Variants in DPP10 observed in about 807,000 individuals in gnomAD.
The protein encoded by DPP10 is dipeptidyl peptidase like 10, also known as inactive dipeptidyl peptidase 10.
Under a neutral mutation model 120.9 loss-of-function variants are expected in DPP10, and 33 were observed. That is an observed-to-expected ratio of 0.27 (90% CI 0.21 to 0.37). The LOEUF (loss-of-function observed/expected upper bound fraction) is 0.37. Among genes scored for constraint, DPP10 ranks in the 10% least tolerant of loss-of-function variants. DPP10 has a pLI of 1.00. For synonymous variants in DPP10, 337 were observed against 326.1 expected, an observed-to-expected ratio of 1.03 and a Z score of -0.36; for missense variants, 816 against 942.8, an observed-to-expected ratio of 0.87 and a Z score of 1.76.
intron 3 of DPP10, among the ~76,000 whole-genome samples, chr2:115,420,131 C>A (rs1162213894): frequency 1.3e-5 from 2 of 152,128 alleles, no homozygotes; most frequent in African/African-American, 2.4e-5. Flanking sequence ...TAACCCAAAT[C>A]CTGTCCTGCT....
chr2:115,171,980 C>T (rs146055182), intron 1 of DPP10, among the ~76,000 whole-genome samples: 116 of 152,280 alleles, frequency 7.6e-4, no homozygotes, highest in African/African-American at 2.7e-3. Flanking sequence ...GGCAGTGCCA[C>T]CACTACACAA....
chr2:115,418,309 G>T (rs1415666146), intron 3 of DPP10, among the ~76,000 whole-genome samples: 2 of 152,140 alleles, frequency 1.3e-5, no homozygotes, highest in Non-Finnish European at 2.9e-5. Flanking sequence ...TTTATTTATT[G>T]CTGTATGTAT....
intron 2 of DPP10, among the ~76,000 whole-genome samples, chr2:115,324,413 A>C (rs916326832): frequency 5.9e-5 from 9 of 152,328 alleles, no homozygotes; most frequent in Admixed American, 5.9e-4. Flanking sequence ...TAGTTTCTAC[A>C]TGAGCACTTG....
chr2:115,722,802 A>G (rs2092679102), intron 7 of DPP10, among the ~76,000 whole-genome samples: 1 of 152,204 alleles, frequency 6.6e-6, no homozygotes, highest in South Asian at 2.1e-4. Context: ...GTTTCAGTAA[A>G]GGTTTCCAAA....
intron 3 of DPP10, among the ~76,000 whole-genome samples, chr2:115,390,393 A>G (rs373008526): frequency 6.6e-6 from 1 of 152,186 alleles, no homozygotes; most frequent in Non-Finnish European, 1.5e-5. Flanking sequence ...ATTTCTGTTG[A>G]TGACACGTTG....
At chr2:115,129,005 A>G (rs1394661615) in intron 1 of DPP10, among the ~76,000 whole-genome samples, 1 of 152,218 alleles carries the variant, frequency 6.6e-6, no homozygotes, top group Non-Finnish European at 1.5e-5. Context: ...GATTCAGGGA[A>G]ACAGGAGGAA....
intron 1 of DPP10, among the ~76,000 whole-genome samples, chr2:114,834,617 G>GGCCATATCTACA (rs1687496715): frequency 1.1e-5 from 1 of 90,884 alleles, no homozygotes; most frequent in Admixed American, 1.1e-4. Context: ...CCATATCTAA[G>GGCCATATCTACA]CACCTATGTA....
chr2:115,440,552 G>C (rs1212896515), intron 3 of DPP10, among the ~76,000 whole-genome samples: 2 of 152,172 alleles, frequency 1.3e-5, no homozygotes, highest in Non-Finnish European at 2.9e-5. Flanking sequence ...TTATTAAGCC[G>C]GCGGCCAAAG....
chr2:115,300,945 ACTT>A (rs1272632685), intron 1 of DPP10, among the ~76,000 whole-genome samples: 1 of 151,928 alleles, frequency 6.6e-6, no homozygotes. Flanking sequence ...AAAATCAGAC[ACTT>A]CTTCCAGTCA....
At position 115,017,822 on chromosome 2, in the gene DPP10, G is replaced by T. The variant is rs568674040; in HGVS notation, c.61-291417G>T. The stretch of plus-strand genomic sequence containing the variant: ...TGAACAATGAGAACACTTGGACACA[G>T]GTAGGGGGACATCACACACAGGGCC... On this transcript the variant is annotated intron_variant, in intron 1 of 25. Transcript: ENST00000410059. Among the ~76,000 whole-genome samples, 3 of 151,760 alleles carry T rather than the reference G, an allele frequency of 2.0e-5. No homozygotes were observed. In the East Asian group the frequency reaches 5.8e-4, roughly 30 times the overall value.
chr2:115,088,702 T>A (rs1204597356), intron 1 of DPP10, among the ~76,000 whole-genome samples: 1 of 114,082 alleles, frequency 8.8e-6, no homozygotes, highest in Non-Finnish European at 1.6e-5. Context: ...TACCTTGGCC[T>A]CCCAAAGTGC....
At chr2:115,197,160 G>T (rs1007601175) in intron 1 of DPP10, among the ~76,000 whole-genome samples, 2 of 152,136 alleles carry the variant, frequency 1.3e-5, no homozygotes, top group African/African-American at 2.4e-5. Flanking sequence ...TTGGGAGGCC[G>T]AGGAGGGCGG....
chr2:115,628,026 TG>T (rs1327861273), intron 5 of DPP10, among the ~76,000 whole-genome samples: 3 of 111,488 alleles, frequency 2.7e-5, no homozygotes, highest in Non-Finnish European at 3.5e-5. Flanking sequence ...ATGGCATTTC[TG>T]GTTCTAGAAA....
intron 15 of DPP10, among the ~76,000 whole-genome samples, chr2:115,778,103 A>C (rs1330202040): frequency 2.0e-5 from 3 of 151,760 alleles, no homozygotes; most frequent in Admixed American, 2.0e-4. Context: ...TTTGTGGCTT[A>C]TTTCTCTCAA....
intron 1 of DPP10, among the ~76,000 whole-genome samples, chr2:114,519,086 C>T (rs1684840505): frequency 6.6e-6 from 1 of 152,198 alleles, no homozygotes; most frequent in Admixed American, 6.5e-5. Context: ...TCTGAATTTT[C>T]TATGATTATA....
intron 3 of DPP10, among the ~76,000 whole-genome samples, chr2:115,372,463 T>G (rs2065479103): frequency 6.6e-6 from 1 of 152,096 alleles, no homozygotes; most frequent in Non-Finnish European, 1.5e-5. Context: ...CATTAAAATG[T>G]GTTGTAATTT....
intron 1 of DPP10, among the ~76,000 whole-genome samples, chr2:115,219,507 G>A (rs2057024761): frequency 6.6e-6 from 1 of 151,966 alleles, no homozygotes; most frequent in African/African-American, 2.4e-5. Context: ...CTTTGTCCGT[G>A]GTGCTGAAAG....
At chr2:115,177,697 A>G (rs2053785875) in intron 1 of DPP10, among the ~76,000 whole-genome samples, 1 of 152,136 alleles carries the variant, frequency 6.6e-6, no homozygotes, top group Non-Finnish European at 1.5e-5. Flanking sequence ...TCCTTTTATA[A>G]AAATGTTAGC....
chr2:115,185,640 G>T (rs1573933281), intron 1 of DPP10, among the ~76,000 whole-genome samples: 1 of 152,138 alleles, frequency 6.6e-6, no homozygotes, highest in Non-Finnish European at 1.5e-5. Flanking sequence ...CATTAAGAGT[G>T]TATGGATATT....
Sources: gnomAD v4.1 joint callset for allele counts (sites outside exome capture counted in the v4.1 genomes callset) on GRCh38, gnomAD v4.1.1 for gene constraint, MANE v1.5 for transcripts, NCBI Gene and HGNC (gene_info 2026-07-23, HGNC 2026-07-21) for gene names.